The following GALK2 variants were observed in gnomAD, a reference collection of about 807,000 sequenced individuals.
GALK2 encodes the protein N-acetylgalactosamine kinase.
A neutral mutation model predicts 52.4 loss-of-function variants in GALK2; 36 were observed. That is an observed-to-expected ratio of 0.69 (90% confidence interval 0.53 to 0.91). The LOEUF (loss-of-function observed/expected upper bound fraction) is 0.91, where lower values mean the gene tolerates loss of function less well. GALK2 is among the 40% of genes least tolerant of loss of function. The pLI is 0.00. For synonymous variants in GALK2, 176 were observed against 199.1 expected (o/e 0.88, Z 0.98); for missense variants, 579 against 559.1 (o/e 1.04, Z -0.36).
rs892605208 is a variant in GALK2 at position 49,329,241 on chromosome 15, A to G, written c.*1082A>G. 4.1e-6 allele frequency: 4 copies of G among 985,472 alleles called. No homozygotes were observed. The highest frequency in any genetic ancestry group is 4.8e-6 in the Non-Finnish European group (4 of 830,070). The allele number at this position is 985,472 out of a possible 1,614,324, so 61.0% of individuals were successfully genotyped here. On this transcript the variant is annotated 3_prime_UTR_variant, in exon 10 of 10. Coordinates refer to ENST00000560031, the MANE Select transcript of GALK2 (RefSeq NM_002044.4). ...GGTATTGATGGGTATCTCTGTATGT[A>G]TATCAAGAGTGGGCAGAAATGTTTG...
In GALK2 at chr15:49,359,702, C is replaced by G. The variant is rs1348577828; in HGVS notation, c.427-7789C>G. Among the ~76,000 whole-genome samples, 4 of 138,642 alleles carry G rather than the reference C, an allele frequency of 2.9e-5. No homozygotes were observed. In the East Asian group the frequency reaches 8.6e-4, roughly 30 times the overall value. The allele number at this position is 138,642 out of a possible 152,430, so 91.0% of individuals were successfully genotyped here. ...GTGGCGATTCCTCAGGGATCTAGAA[C>G]TGGAAGTACCATTTGACCCAGCCAT... On this transcript the variant is annotated intron_variant, in intron 3 of 3. Coordinates refer to the GALK2 transcript ENST00000558399.
chr15:49,226,397 G>T (rs2090138630), intron 3 of GALK2, among the ~76,000 whole-genome samples: 1 of 152,094 alleles, frequency 6.6e-6, no homozygotes, highest in Non-Finnish European at 1.5e-5. Context: ...CTCAGTGTCA[G>T]TGTTGCTTCT....
chr15:49,299,415 T>C (rs2034769499), intron 8 of GALK2, among the ~76,000 whole-genome samples: 2 of 152,200 alleles, frequency 1.3e-5, no homozygotes, highest in African/African-American at 4.8e-5. Flanking sequence ...GGTTGTTTCC[T>C]TTCTTCTGCT....
chr15:49,355,834 T>C (rs1459936847), intron 3 of GALK2, among the ~76,000 whole-genome samples: 1 of 152,000 alleles, frequency 6.6e-6, no homozygotes, highest in African/African-American at 2.4e-5. Context: ...TAAGGGCAGC[T>C]AGAGAGAAAG....
intron 3 of GALK2, chr15:49,367,427 G>C: frequency 6.6e-7 from 1 of 1,520,192 alleles, no homozygotes; most frequent in Non-Finnish European, 8.8e-7. Flanking sequence ...TTATATTAAA[G>C]CAAAGCTTTA....
chr15:49,260,033 A>G (rs936406728), intron 5 of GALK2, among the ~76,000 whole-genome samples: 4 of 151,602 alleles, frequency 2.6e-5, no homozygotes, highest in African/African-American at 9.7e-5. Context: ...TAGTGCCGCA[A>G]TAAACATACG....
At chr15:49,175,564 C>G (rs951074426) in intron 1 of GALK2, among the ~76,000 whole-genome samples, 1 of 152,124 alleles carries the variant, frequency 6.6e-6, no homozygotes, top group African/African-American at 2.4e-5. Context: ...TTTGCTGTTT[C>G]TGGTAAACAT....
At chr15:49,278,699 A>T (rs1027053683) in intron 5 of GALK2, among the ~76,000 whole-genome samples, 2 of 152,180 alleles carry the variant, frequency 1.3e-5, no homozygotes, top group Non-Finnish European at 2.9e-5. Flanking sequence ...AGTTTGGATT[A>T]TATCTTTAAT....
intron 3 of GALK2, among the ~76,000 whole-genome samples, chr15:49,232,644 G>A (rs749399868): frequency 3.9e-5 from 6 of 152,046 alleles, no homozygotes; most frequent in Admixed American, 2.0e-4. Flanking sequence ...CTTTGCTCAC[G>A]CATATGAACA....
At chr15:49,178,681 G>A (rs1353273238) in intron 1 of GALK2, 1 of 219,666 alleles carries the variant, frequency 4.6e-6, no homozygotes, top group African/African-American at 2.3e-5. Flanking sequence ...TCCGAAGAAA[G>A]TGCATGGTAT....
chr15:49,173,996 G>T (rs182330227), intron 1 of GALK2, among the ~76,000 whole-genome samples: 4 of 152,086 alleles, frequency 2.6e-5, no homozygotes, highest in Non-Finnish European at 4.4e-5. Flanking sequence ...ACCCGCCTTG[G>T]TCTCCCTGGG....
chr15:49,230,463 T>A (rs751921614), intron 3 of GALK2, among the ~76,000 whole-genome samples: 16 of 152,220 alleles, frequency 1.1e-4, no homozygotes, highest in Non-Finnish European at 2.1e-4. Flanking sequence ...CTTCCTTGCC[T>A]TAGGTGTTCC....
intron 1 of GALK2, among the ~76,000 whole-genome samples, chr15:49,192,513 A>G (rs945384215): frequency 7.2e-6 from 1 of 139,232 alleles, no homozygotes; most frequent in African/African-American, 2.7e-5. Context: ...ATATATATAT[A>G]TATATATATA....
At chr15:49,202,045 C>T (rs2141309563) in intron 2 of GALK2, among the ~76,000 whole-genome samples, 1 of 152,168 alleles carries the variant, frequency 6.6e-6, no homozygotes, top group Non-Finnish European at 1.5e-5. Flanking sequence ...CTCTTATTGC[C>T]CAGGCTGGTG....
intron 8 of GALK2, among the ~76,000 whole-genome samples, chr15:49,312,594 C>T (rs995819282): frequency 6.6e-6 from 1 of 152,186 alleles, no homozygotes; most frequent in Non-Finnish European, 1.5e-5. Context: ...GGAGACTTCT[C>T]CTTGTGATTA....
chr15:49,344,555 G>A (rs916151027), intron 3 of GALK2, among the ~76,000 whole-genome samples: 9 of 152,160 alleles, frequency 5.9e-5, no homozygotes, highest in South Asian at 2.1e-4. Context: ...AGCGAGGGAG[G>A]ACTGTAACTC....
intron 8 of GALK2, among the ~76,000 whole-genome samples, chr15:49,310,194 A>G (rs2035878383): frequency 6.6e-6 from 1 of 152,122 alleles, no homozygotes; most frequent in Non-Finnish European, 1.5e-5. Context: ...AGGTTTATCC[A>G]TATTTCTGCT....
intron 8 of GALK2, among the ~76,000 whole-genome samples, chr15:49,307,737 G>A (rs1248504994): frequency 6.6e-6 from 1 of 152,146 alleles, no homozygotes; most frequent in East Asian, 1.9e-4. Context: ...ATCTGAGAAA[G>A]GGAAGCCATA....
intron 5 of GALK2, among the ~76,000 whole-genome samples, chr15:49,255,615 C>A (rs1306511162): frequency 9.5e-6 from 1 of 105,754 alleles, no homozygotes; most frequent in African/African-American, 3.0e-5. Context: ...GTTTCTGTTT[C>A]TCCAATTGTA....
Sources: allele counts gnomAD v4.1 joint callset (sites outside exome capture counted in the v4.1 genomes callset), GRCh38; gene constraint gnomAD v4.1.1; transcripts MANE v1.5; gene names NCBI Gene and HGNC (gene_info 2026-07-23, HGNC 2026-07-21).